Variants in BAMBI observed in about 807,000 individuals in gnomAD.
BAMBI encodes BMP and activin membrane-bound inhibitor homolog.
Under a neutral mutation model 24.1 loss-of-function variants are expected in BAMBI, and 21 were observed. The ratio of observed to expected loss-of-function variants is 0.87; its 90% confidence interval spans 0.62 to 1.26. BAMBI has a LOEUF of 1.26. Among genes scored for constraint, BAMBI ranks in the 50% most tolerant of loss-of-function variants. The probability of loss-of-function intolerance (pLI) is 0.00; values close to 1 mark genes in which losing one functional copy is unlikely to be tolerated. For missense variants in BAMBI, 388 were observed against 329.1 expected (o/e 1.18, Z -1.38); for synonymous variants, 156 against 123.1 (o/e 1.27, Z -1.77).
intron 1 of BAMBI, 57 bp downstream of exon 1, chr10:28,678,030 G>A: frequency 6.9e-7 from 1 of 1,448,138 alleles, no homozygotes; most frequent in Non-Finnish European, 9.2e-7. Context: ...GGGCTTTGGA[G>A]CCGGCTGCAG....
intron 1 of BAMBI, 109 bp from the exon 2 acceptor site, chr10:28,681,149 G>GGAT: frequency 6.9e-6 from 8 of 1,166,562 alleles, no homozygotes; most frequent in Non-Finnish European, 9.6e-6. Context: ...CCCTCAGCTT[G>GGAT]GATGATCTAA....
chr10:28,681,917 G>A, intron 2 of BAMBI, 66 bp from the exon 3 acceptor site: 3 of 1,388,200 alleles, frequency 2.2e-6, no homozygotes, highest in Non-Finnish European at 3.0e-6. Context: ...AAAATGAATT[G>A]ATGATTATGA....
Position 28,682,389 on chromosome 10 carries a change from G to T in BAMBI, c.771G>T (p.Leu257=). 6.2e-7 allele frequency: 1 copy of T among 1,609,608 alleles called. No homozygotes were observed. The highest frequency in any genetic ancestry group is 8.5e-7 in the Non-Finnish European group (1 of 1,176,236). Residue 257 remains leucine, a synonymous_variant, in exon 3 of 3, where the codon CTG becomes CTT. Coordinates refer to ENST00000375533, the MANE Select transcript of BAMBI (RefSeq NM_012342.3). ...GCATGTACAGTGGGCACGGGAAGCTGGAATTCGTATGACGGAGTCTTATCT... is the reference window on the plus strand; with the variant it reads ...GCATGTACAGTGGGCACGGGAAGCTTGAATTCGTATGACGGAGTCTTATCT... ...HWGMYSGHGK[L]EFV
rs1564438399 is a variant in BAMBI, at chr10:28,677,775, C to T, written c.-123C>T. ...CCGGCAGCGGCCCGAAACCCAGCCC[C>T]GCCGCTGACGGCGCCCGCCGCTCCG... On this transcript the variant is annotated 5_prime_UTR_variant, in exon 1 of 3. Coordinates refer to ENST00000375533, the MANE Select transcript of BAMBI (RefSeq NM_012342.3). The T allele has an allele frequency of 3.5e-6, 2 of 567,114 alleles. No individual in the cohort carries two copies. The allele number at this position is 567,114 out of a possible 1,614,324, so 35.1% of individuals were successfully genotyped here. A position where few individuals can be genotyped will look rare whatever the true frequency, so the allele number is the denominator to read the frequency against.
In BAMBI at chr10:28,677,653, C is replaced by G; in HGVS notation, c.-245C>G. The G allele has an allele frequency of 4.0e-6, 1 of 251,508 alleles. No individual in the cohort carries two copies. Among genetic ancestry groups the G allele is most frequent in the East Asian group, 7.8e-5 (1 of 12,882 alleles). 15.6% of individuals were successfully genotyped at this position (251,508 alleles called of 1,614,324 possible). On this transcript the variant is annotated 5_prime_UTR_variant, in exon 1 of 3. Transcript: ENST00000375533. ...CCCGACCCGGGGCTAGCGTGCGTCC[C>G]TAGAGTCGAGCGGGGCAAGGGAGCC...
At position 28,682,565 on chromosome 10, in the gene BAMBI, C is replaced by T. The variant is rs1834511649; in HGVS notation, c.*164C>T. Reference sequence around the variant, plus strand: ...TATTTCTTCTGAAGGATTATTTGCACAGACTTAAATACAGTTAAATGTGTT... The same window carrying T: ...TATTTCTTCTGAAGGATTATTTGCATAGACTTAAATACAGTTAAATGTGTT... On this transcript the variant is annotated 3_prime_UTR_variant, in exon 3 of 3. Transcript: ENST00000375533. The T allele has an allele frequency of 1.5e-6, 1 of 655,440 alleles. No homozygotes were observed. The highest frequency in any genetic ancestry group is 2.2e-5 in the South Asian group (1 of 44,722). The allele number at this position is 655,440 out of a possible 1,614,324, so 40.6% of individuals were successfully genotyped here. A position where few individuals can be genotyped will look rare whatever the true frequency, so the allele number is the denominator to read the frequency against.
At chr10:28,678,394 TCCCTA>T (rs938436569) in intron 1 of BAMBI, among the ~76,000 whole-genome samples, 1 of 152,216 alleles carries the variant, frequency 6.6e-6, no homozygotes, top group Non-Finnish European at 1.5e-5. Context: ...AGTCTCAGTA[TCCCTA>T]AATGCATTTT....
In BAMBI at chr10:28,682,823, AT is replaced by A. The variant is rs1423650195; in HGVS notation, c.*424del. 1 of 154,534 alleles carries A rather than the reference AT, an allele frequency of 6.5e-6. No homozygotes were observed. Among genetic ancestry groups the A allele is most frequent in the Non-Finnish European group, 1.4e-5 (1 of 69,638 alleles). 9.6% of individuals were successfully genotyped at this position (154,534 alleles called of 1,614,324 possible). ...GGGAAACGTGAGACAGTACATGTTA[AT>A]TATACAAATGGCCATTTGCTGTTAA... On this transcript the variant is annotated 3_prime_UTR_variant, in exon 3 of 3. Coordinates refer to ENST00000375533, the MANE Select transcript of BAMBI (RefSeq NM_012342.3).
rs1412652874 is a variant in BAMBI, at chr10:28,677,911, C to T, written c.14C>T (p.Ser5Phe). MDRH[S>F]SYIFIWLQLE... ...TGCGGGGCGTCAATGGATCGCCACT[C>T]CAGCTACATCTTCATCTGGCTGCAG... The change falls in exon 1 of 3, where the codon TCC (serine) becomes TTC (phenylalanine). Residue 5 changes from serine to phenylalanine, a missense_variant. Coordinates refer to ENST00000375533, the MANE Select transcript of BAMBI (RefSeq NM_012342.3). 2.6e-6 allele frequency: 4 copies of T among 1,522,702 alleles called. No homozygotes were observed. Among genetic ancestry groups the T allele is most frequent in the South Asian group, 1.2e-5 (1 of 82,148 alleles). 94.3% of individuals were successfully genotyped at this position (1,522,702 alleles called of 1,614,324 possible).
chr10:28,680,650 T>G (rs1056038292), intron 1 of BAMBI, among the ~76,000 whole-genome samples: 11 of 152,212 alleles, frequency 7.2e-5, no homozygotes, highest in Admixed American at 7.2e-4. Context: ...ATATACTGAC[T>G]AAAAGCTCCT....
rs372949529 is a variant in BAMBI, at chr10:28,681,510, A to T, written c.329A>T (p.His110Leu). Residue 110 changes from histidine (H) to leucine (L), a missense_variant, in exon 2 of 3, where the codon CAC becomes CTC. Physicochemically the swap from His to Leu is moderately conservative, Grantham distance 99 (BLOSUM62 -3). Transcript: ENST00000375533. ...HEDMCNYRGLHDVLSPPRGEA... is the reference protein window; with the variant it reads ...HEDMCNYRGLLDVLSPPRGEA... ...GACATGTGCAATTACAGAGGGCTGC[A>T]CGATGTTCTCTCTCCTCCCAGGGGT... is the stretch of plus-strand genomic sequence containing the variant. 2 of 1,614,164 alleles carry T rather than the reference A, an allele frequency of 1.2e-6. No individual in the cohort carries two copies. Among genetic ancestry groups the T allele is most frequent in the African/African-American group, 1.3e-5 (1 of 75,056 alleles).
Position 28,677,565 on chromosome 10 carries a change from T to G in BAMBI, c.-333T>G, listed in dbSNP as rs1888085. ...CTGCGGCGGATACCCTTGCGTGCTGTGGAGACCCTACTCTCTTCGCTGAGA... is the reference window on the plus strand; with the variant it reads ...CTGCGGCGGATACCCTTGCGTGCTGGGGAGACCCTACTCTCTTCGCTGAGA... On this transcript the variant is annotated 5_prime_UTR_variant, in exon 1 of 3. Coordinates refer to ENST00000375533, the MANE Select transcript of BAMBI (RefSeq NM_012342.3). 0.19 allele frequency: 32,507 copies of G among 174,914 alleles called. 3,633 individuals are homozygous for G. Among genetic ancestry groups the G allele is most frequent in the East Asian group, 0.44 (2,840 of 6,436 alleles). The allele number at this position is 174,914 out of a possible 1,614,324, so 10.8% of individuals were successfully genotyped here. A position where few individuals can be genotyped will look rare whatever the true frequency, so the allele number is the denominator to read the frequency against.
At position 28,682,427 on chromosome 10, in the gene BAMBI, C is replaced by T. The variant is rs191444212; in HGVS notation, c.*26C>T. 37 of 1,586,640 alleles carry T rather than the reference C, an allele frequency of 2.3e-5. 1 individual carries two copies. The Admixed American group carries it at 6.0e-4, about 26-fold the overall frequency. ...CGGAGTCTTATCTGAACTACACTTA[C>T]TGAACAGCTTGAAGGCCTTTTGAGT... On this transcript the variant is annotated 3_prime_UTR_variant, in exon 3 of 3. Coordinates refer to ENST00000375533, the MANE Select transcript of BAMBI (RefSeq NM_012342.3).
In BAMBI at chr10:28,682,451, G is replaced by A; in HGVS notation, c.*50G>A. The A allele has an allele frequency of 1.3e-6, 2 of 1,534,306 alleles. No individual in the cohort carries two copies. Among genetic ancestry groups the A allele is most frequent in the Non-Finnish European group, 1.8e-6 (2 of 1,128,346 alleles). ...ACTGAACAGCTTGAAGGCCTTTTGA[G>A]TTCTGCTGGACAGGAGCACTTTATC... On this transcript the variant is annotated 3_prime_UTR_variant, in exon 3 of 3. Transcript: ENST00000375533.
At chr10:28,681,690 CTTGA>C in intron 2 of BAMBI, 145 bp downstream of exon 2, 1 of 912,504 alleles carries the variant, frequency 1.1e-6, no homozygotes, top group South Asian at 1.7e-5. Context: ...AAAGATGCAT[CTTGA>C]TTGAGTGGCT....
intron 1 of BAMBI, among the ~76,000 whole-genome samples, chr10:28,678,509 C>T (rs1022687323): frequency 2.6e-5 from 4 of 152,200 alleles, no homozygotes; most frequent in African/African-American, 7.2e-5. Flanking sequence ...GAATGCATTT[C>T]TGTGTCTCTT....
At chr10:28,679,096 TGGAA>T (rs1834469993) in intron 1 of BAMBI, among the ~76,000 whole-genome samples, 1 of 152,224 alleles carries the variant, frequency 6.6e-6, no homozygotes, top group Non-Finnish European at 1.5e-5. Context: ...TTATTTATTT[TGGAA>T]GGAAGGGTGT....
chr10:28,678,007 C>T (rs752288810), intron 1 of BAMBI, 34 bp downstream of exon 1: 3 of 1,497,006 alleles, frequency 2.0e-6, no homozygotes, highest in East Asian at 2.6e-5. Context: ...CCCGGGGTCC[C>T]GTCCTCGCCG....
chr10:28,677,759 G>T lies in BAMBI; in HGVS notation c.-139G>T. ...AGCCGCGCTCCATGCTCCGGCAGCG[G>T]CCCGAAACCCAGCCCCGCCGCTGAC... On this transcript the variant is annotated 5_prime_UTR_variant, in exon 1 of 3. Coordinates refer to ENST00000375533, the MANE Select transcript of BAMBI (RefSeq NM_012342.3). The T allele has an allele frequency of 2.3e-6, 1 of 426,422 alleles. No individual in the cohort carries two copies. 26.4% of individuals were successfully genotyped at this position (426,422 alleles called of 1,614,324 possible). A position where few individuals can be genotyped will look rare whatever the true frequency, so the allele number is the denominator to read the frequency against.
Sources: gnomAD v4.1 joint callset for allele counts (sites outside exome capture counted in the v4.1 genomes callset) on GRCh38, gnomAD v4.1.1 for gene constraint, MANE v1.5 for transcripts, NCBI Gene and HGNC (gene_info 2026-07-23, HGNC 2026-07-21) for gene names.